COL6A6: variants seen among roughly 807,000 people sequenced by gnomAD.
COL6A6 encodes collagen alpha-6(VI) chain.
A neutral mutation model predicts 208.6 loss-of-function variants in COL6A6; 183 were observed. The observed-to-expected ratio is 0.88, with a 90% CI of 0.78 to 0.99. COL6A6 has a LOEUF of 0.99. Ranked by LOEUF, COL6A6 falls within the 50% of genes least tolerant of loss-of-function variation. COL6A6 has a pLI of 0.00. For missense variants in COL6A6, 2,816 were observed against 2,815.2 expected (o/e 1.00, Z -0.01); for synonymous variants, 973 against 1,011.8 (o/e 0.96, Z 0.73).
At chr3:130,669,842 G>T (rs144920822) in intron 36 of COL6A6, among the ~76,000 whole-genome samples, 38 of 152,228 alleles carry the variant, frequency 2.5e-4, no homozygotes, top group African/African-American at 8.7e-4. Context: ...AATCAAATGG[G>T]AGTGTCTCTA....
intron 23 of COL6A6, among the ~76,000 whole-genome samples, chr3:130,614,530 A>G (rs1048006959): frequency 6.6e-6 from 1 of 152,192 alleles, no homozygotes; most frequent in Non-Finnish European, 1.5e-5. Flanking sequence ...TCGTAGAATG[A>G]GTTAGGGAGA....
intron 30 of COL6A6, 54 bp downstream of exon 30, chr3:130,642,921 T>C (rs2065359798): frequency 6.2e-7 from 1 of 1,613,112 alleles, no homozygotes; most frequent in Non-Finnish European, 8.5e-7. Flanking sequence ...TCAATTTACT[T>C]ATTTTTAAAC....
At chr3:130,538,235 G>T (rs573743448) in intron 1 of COL6A6, among the ~76,000 whole-genome samples, 26 of 152,138 alleles carry the variant, frequency 1.7e-4, no homozygotes, top group Non-Finnish European at 2.4e-4. Context: ...CTTTACAGGG[G>T]TACTCTCAGG....
At chr3:130,547,670 T>C (rs1322781027) in intron 1 of COL6A6, among the ~76,000 whole-genome samples, 1 of 152,260 alleles carries the variant, frequency 6.6e-6, no homozygotes, top group East Asian at 1.9e-4. Flanking sequence ...TCTGTTATGA[T>C]GTTTTGATGT....
intron 1 of COL6A6, among the ~76,000 whole-genome samples, chr3:130,546,032 T>C (rs2062486690): frequency 6.6e-6 from 1 of 152,186 alleles, no homozygotes; most frequent in South Asian, 2.1e-4. Flanking sequence ...TTTTTCTGTT[T>C]TTCAGTTTTG....
At chr3:130,542,907 T>C (rs2062404720) in intron 1 of COL6A6, among the ~76,000 whole-genome samples, 1 of 146,550 alleles carries the variant, frequency 6.8e-6, no homozygotes, top group Non-Finnish European at 1.5e-5. Context: ...TCTTTTTTTT[T>C]TTTTTTTTTT....
intron 21 of COL6A6, 42 bp downstream of exon 21, chr3:130,607,008 C>T: frequency 6.8e-7 from 1 of 1,478,626 alleles, no homozygotes; most frequent in Non-Finnish European, 9.3e-7. Context: ...ACAAATACTG[C>T]ATCCAATCAG....
rs2062939285 is a variant in COL6A6, at chr3:130,563,358, T to A, written c.355T>A (p.Phe119Ile). 9.9e-6 allele frequency: 16 copies of A among 1,614,004 alleles called. No homozygotes were observed. Among genetic ancestry groups the A allele is most frequent in the Non-Finnish European group, 1.4e-5 (16 of 1,179,894 alleles). Residue 119 changes from phenylalanine to isoleucine, a missense_variant, in exon 3 of 37, where the codon TTC becomes ATC. Transcript: ENST00000358511. Reference sequence around the variant, plus strand: ...TCTTCAGGAGGCTCACAGGACTTATTTCTCTGCACCCGCAAATGGGAGAGA... The same window carrying A: ...TCTTCAGGAGGCTCACAGGACTTATATCTCTGCACCCGCAAATGGGAGAGA... ...KALQEAHRTY[F>I]SAPANGRDKK...
At chr3:130,636,514 T>C (rs1374221625) in intron 28 of COL6A6, among the ~76,000 whole-genome samples, 1 of 152,176 alleles carries the variant, frequency 6.6e-6, no homozygotes, top group Non-Finnish European at 1.5e-5. Flanking sequence ...AGAACAGCAC[T>C]GATCAGGCAA....
At chr3:130,671,987 A>G (rs1464188038) in intron 36 of COL6A6, among the ~76,000 whole-genome samples, 1 of 152,248 alleles carries the variant, frequency 6.6e-6, no homozygotes, top group Admixed American at 6.5e-5. Context: ...GTAAAAATGG[A>G]CATAATCACT....
chr3:130,648,452 T>A (rs1036609760), intron 32 of COL6A6, among the ~76,000 whole-genome samples: 23 of 152,168 alleles, frequency 1.5e-4, no homozygotes. Context: ...GGTGATGTTA[T>A]GACTCACATT....
At chr3:130,658,932 T>A (rs1362332166) in intron 34 of COL6A6, among the ~76,000 whole-genome samples, 160 bp downstream of exon 34, 6 of 152,170 alleles carry the variant, frequency 3.9e-5, no homozygotes, top group Non-Finnish European at 8.8e-5. Context: ...CTTCCACAGA[T>A]GAATCCTCTC....
At chr3:130,634,937 G>T (rs1353808100) in intron 27 of COL6A6, among the ~76,000 whole-genome samples, 1 of 152,084 alleles carries the variant, frequency 6.6e-6, no homozygotes, top group Non-Finnish European at 1.5e-5. Flanking sequence ...TTTACTGAAA[G>T]AAAAGTATAA....
chr3:130,638,577 C>T (rs2065221299), intron 28 of COL6A6, among the ~76,000 whole-genome samples: 1 of 152,186 alleles, frequency 6.6e-6, no homozygotes, highest in African/African-American at 2.4e-5. Context: ...GGATTTCTCC[C>T]TTGTTTCGTG....
chr3:130,600,520 G>A (rs573329311), intron 20 of COL6A6, among the ~76,000 whole-genome samples: 53 of 152,238 alleles, frequency 3.5e-4, no homozygotes, highest in Non-Finnish European at 6.0e-4. Flanking sequence ...ATACACCATG[G>A]AATACTATGC....
At chr3:130,556,670 A>G (rs1324257565) in intron 1 of COL6A6, among the ~76,000 whole-genome samples, 2 of 151,786 alleles carry the variant, frequency 1.3e-5, no homozygotes, top group Non-Finnish European at 2.9e-5. Flanking sequence ...TGTAGTATCT[A>G]TTTCTTAGAT....
chr3:130,610,692 T>TG lies in COL6A6; in HGVS notation c.4799dup (p.Ser1601LysfsTer2), dbSNP rs1157188154. The TG allele has an allele frequency of 6.3e-7, 1 of 1,590,642 alleles. No homozygotes were observed. The highest frequency in any genetic ancestry group is 8.6e-7 in the Non-Finnish European group (1 of 1,167,848). ...GGTGTGAAAGGAGAAAAAGGAGGTG[T>TG]GGGAAGTAAAGGTCCCCAGGTATGT... On this transcript the variant is annotated frameshift_variant, in exon 23 of 37. Transcript: ENST00000358511. LOFTEE classifies it high-confidence loss of function.
chr3:130,586,515 C>A lies in COL6A6; in HGVS notation c.3980C>A (p.Ala1327Asp). 3.7e-6 allele frequency: 6 copies of A among 1,612,016 alleles called. No individual in the cohort carries two copies. The highest frequency in any genetic ancestry group is 5.1e-6 in the Non-Finnish European group (6 of 1,179,172). ...SDELRKEGLN[A>D]LITVALDGPA... is the part of the protein sequence containing the mutation. ...AAACTGTGTTGGATAGGCCTGAATG[C>A]CCTCATAACTGTTGCTCTGGATGGA... The change falls in exon 11 of 37, where the codon GCC becomes GAC. Residue 1327 changes from alanine to aspartate, a missense_variant. Coordinates refer to ENST00000358511, the MANE Select transcript of COL6A6 (RefSeq NM_001102608.3).
Position 130,589,171 on chromosome 3 carries a change from C to T in COL6A6, c.4207C>T (p.Pro1403Ser). Reference protein sequence around the residue: ...GDGTMGDPGPPGKRGPPGFKG... With the variant: ...GDGTMGDPGPSGKRGPPGFKG... ...TGGCACAATGGGAGATCCTGGACCA[C>T]CAGGGAAAAGGGTGATTTTAGCTCA... The change falls in exon 12 of 37, where the codon CCA becomes TCA. Residue 1403 changes from proline to serine, a missense_variant. Pro to Ser is a moderately conservative substitution (Grantham distance 74). Coordinates refer to ENST00000358511, the MANE Select transcript of COL6A6 (RefSeq NM_001102608.3). The T allele has an allele frequency of 6.2e-7, 1 of 1,612,732 alleles. No individual in the cohort carries two copies. Among genetic ancestry groups the T allele is most frequent in the Non-Finnish European group, 8.5e-7 (1 of 1,178,870 alleles).
Sources: gnomAD v4.1 joint callset for allele counts (sites outside exome capture counted in the v4.1 genomes callset) on GRCh38, gnomAD v4.1.1 for gene constraint, MANE v1.5 for transcripts, NCBI Gene and HGNC (gene_info 2026-07-23, HGNC 2026-07-21) for gene names.